The following KHDC1 variants were observed in gnomAD, a reference collection of about 807,000 sequenced individuals.
KHDC1 encodes the protein KH homology domain-containing protein 1.
Under a neutral mutation model 24.7 loss-of-function variants are expected in KHDC1, and 21 were observed. The observed-to-expected ratio is 0.85, with a 90% confidence interval of 0.60 to 1.23. The LOEUF (loss-of-function observed/expected upper bound fraction) is 1.23, where lower values mean the gene tolerates loss of function less well. KHDC1 is among the 50% of genes most tolerant of loss of function. The pLI, the probability that KHDC1 is intolerant of heterozygous loss-of-function variation, is 0.00. For missense variants in KHDC1, 274 were observed against 298.5 expected (o/e 0.92, Z 0.61); for synonymous variants, 98 against 111.7 (o/e 0.88, Z 0.77).
chr6:73,244,904 G>C (rs1180828902), intron 2 of KHDC1, among the ~76,000 whole-genome samples: 1 of 151,998 alleles, frequency 6.6e-6, no homozygotes, highest in Non-Finnish European at 1.5e-5. Flanking sequence ...CTACAGCCTG[G>C]GCAACAGAGC....
intron 2 of KHDC1, among the ~76,000 whole-genome samples, chr6:73,287,725 T>C (rs894599221): frequency 4.6e-5 from 7 of 152,144 alleles, no homozygotes; most frequent in African/African-American, 1.4e-4. Flanking sequence ...AAGGTCCCAG[T>C]TGACAATGAT....
chr6:73,270,003 T>G (rs1767151787), intron 2 of KHDC1: 1 of 151,930 alleles, frequency 6.6e-6, no homozygotes, highest in South Asian at 2.1e-4. Flanking sequence ...CTCAAGCTCC[T>G]TGGCTCAAGT....
chr6:73,241,487 T>A, exon 5 of KHDC1: 1 of 1,590,208 alleles, frequency 6.3e-7, no homozygotes. Context: ...AAGCCAAGAT[T>A]TCTCCTCTCA....
intron 2 of KHDC1, among the ~76,000 whole-genome samples, chr6:73,266,995 G>A (rs1330394358): frequency 6.6e-6 from 1 of 152,060 alleles, no homozygotes; most frequent in East Asian, 1.9e-4. Context: ...CGAGACCAGC[G>A]TGGGCAACAT....
intron 1 of KHDC1, among the ~76,000 whole-genome samples, chr6:73,306,962 T>C (rs1229576060): frequency 2.0e-5 from 3 of 152,038 alleles, no homozygotes; most frequent in African/African-American, 7.2e-5. Context: ...TGAGTTGAGA[T>C]TGTGCCACTG....
chr6:73,252,987 T>A (rs1214442690), intron 2 of KHDC1, among the ~76,000 whole-genome samples: 1 of 152,214 alleles, frequency 6.6e-6, no homozygotes, highest in East Asian at 1.9e-4. Flanking sequence ...TTAAACTATG[T>A]AAAAATTTTA....
At chr6:73,290,238 C>T (rs940932021) in intron 2 of KHDC1, among the ~76,000 whole-genome samples, 8 of 151,340 alleles carry the variant, frequency 5.3e-5, no homozygotes, top group Non-Finnish European at 1.2e-4. Flanking sequence ...CATCATGCCA[C>T]TGCACTCCAG....
chr6:73,254,671 A>G (rs1766848062), intron 2 of KHDC1, among the ~76,000 whole-genome samples: 1 of 152,076 alleles, frequency 6.6e-6, no homozygotes, highest in Admixed American at 6.5e-5. Context: ...GTGTATGTGT[A>G]TTTATCTGAG....
intron 2 of KHDC1, among the ~76,000 whole-genome samples, chr6:73,265,132 G>A (rs1767057212): frequency 6.6e-6 from 1 of 152,246 alleles, no homozygotes; most frequent in Admixed American, 6.5e-5. Flanking sequence ...AGTTTGTCTA[G>A]TAGTATATTT....
At chr6:73,252,132 T>G (rs987010634) in intron 2 of KHDC1, among the ~76,000 whole-genome samples, 3 of 148,298 alleles carry the variant, frequency 2.0e-5, no homozygotes, top group Admixed American at 6.8e-5. Context: ...AACCTCTACC[T>G]CCCAGGCTCA....
intron 2 of KHDC1, among the ~76,000 whole-genome samples, chr6:73,289,163 A>C (rs1337499763): frequency 2.0e-5 from 3 of 147,668 alleles, no homozygotes; most frequent in African/African-American, 7.5e-5. Context: ...GCGAAACCCC[A>C]CCTCTGCTAA....
chr6:73,242,079 G>A lies in KHDC1; in HGVS notation c.490C>T (p.Gln164Ter). 1 of 1,613,580 alleles carries A rather than the reference G, an allele frequency of 6.2e-7. No homozygotes were observed. Among genetic ancestry groups the A allele is most frequent in the Non-Finnish European group, 8.5e-7 (1 of 1,179,722 alleles). Residue 164 changes from glutamine (Q) to a stop codon, truncating the protein, a stop_gained, in exon 4 of 5, where the codon CAG becomes TAG. Coordinates refer to ENST00000370384, the Ensembl canonical transcript of KHDC1. LOFTEE classifies it low-confidence loss of function (END_TRUNC). ...CCTCGAGCATGATGATAGGAGTCCT[G>A]GCTCCCCACACAACAAAACATGTGC...
intron 2 of KHDC1, among the ~76,000 whole-genome samples, chr6:73,256,548 T>C (rs1362480803): frequency 6.6e-6 from 1 of 152,220 alleles, no homozygotes; most frequent in South Asian, 2.1e-4. Context: ...CTAACAACTA[T>C]TAACAGCCAG....
chr6:73,257,510 T>C (rs1766901385), intron 2 of KHDC1, among the ~76,000 whole-genome samples: 1 of 152,102 alleles, frequency 6.6e-6, no homozygotes, highest in Non-Finnish European at 1.5e-5. Context: ...GAGATTCTCC[T>C]GCCTCAGCCT....
intron 2 of KHDC1, among the ~76,000 whole-genome samples, chr6:73,254,717 T>G (rs1403343667): frequency 6.6e-6 from 1 of 152,020 alleles, no homozygotes; most frequent in Non-Finnish European, 1.5e-5. Context: ...AACAGGTTTC[T>G]TATGGCCAGG....
intron 1 of KHDC1, among the ~76,000 whole-genome samples, chr6:73,298,458 CAG>C (rs368438616): frequency 0.099 from 8,772 of 88,940 alleles, 486 homozygotes; most frequent in Middle Eastern, 0.17. Flanking sequence ...TTTTTTGAGA[CAG>C]AGTCTTGCTC....
chr6:73,246,178 ATTTGTTTG>A (rs1055910495), intron 2 of KHDC1, among the ~76,000 whole-genome samples: 1 of 152,068 alleles, frequency 6.6e-6, no homozygotes, highest in Non-Finnish European at 1.5e-5. Flanking sequence ...CTATATAAAT[ATTTGTTTG>A]TTTGTTTGTT....
intron 1 of KHDC1, among the ~76,000 whole-genome samples, chr6:73,296,150 A>C (rs564215339): frequency 2.1e-5 from 3 of 145,296 alleles, no homozygotes; most frequent in African/African-American, 7.7e-5. Context: ...TCAAAAAACT[A>C]AAAAGAAAAC....
chr6:73,245,444 A>G (rs996918903), intron 2 of KHDC1, among the ~76,000 whole-genome samples: 5 of 152,328 alleles, frequency 3.3e-5, no homozygotes, highest in Middle Eastern at 3.4e-3. Context: ...AGATGCATCA[A>G]ATGAATCCTT....
Sources: allele counts gnomAD v4.1 joint callset (sites outside exome capture counted in the v4.1 genomes callset), GRCh38; gene constraint gnomAD v4.1.1; transcripts MANE v1.5; gene names NCBI Gene and HGNC (gene_info 2026-07-23, HGNC 2026-07-21).